The following PTPRD variants were observed in gnomAD, a reference collection of about 807,000 sequenced individuals.
PTPRD encodes the protein receptor-type tyrosine-protein phosphatase delta.
PTPRD carries 34 observed loss-of-function variants against 214.5 expected under a neutral mutation model. The observed-to-expected ratio is 0.16, with a 90% CI of 0.12 to 0.21. PTPRD has a LOEUF of 0.21. Ranked by LOEUF, PTPRD falls within the 10% of genes least tolerant of loss-of-function variation. The pLI is 1.00. For synonymous variants in PTPRD, 1,128 were observed against 845.7 expected, an observed-to-expected ratio of 1.33 and a Z score of -5.79; for missense variants, 2,545 against 2,398.7, an observed-to-expected ratio of 1.06 and a Z score of -1.27.
chr9:10,389,013 C>T (rs59675778), intron 2 of PTPRD, among the ~76,000 whole-genome samples: 11,546 of 151,552 alleles, frequency 0.076, 660 homozygotes, highest in African/African-American at 0.16. Context: ...ATAAGAGATC[C>T]CATTGGAGTA....
At chr9:9,098,910 A>G (rs2099787467) in intron 10 of PTPRD, among the ~76,000 whole-genome samples, 1 of 152,214 alleles carries the variant, frequency 6.6e-6, no homozygotes, top group South Asian at 2.1e-4. Context: ...AACAACTGTG[A>G]TATCTCTAGA....
At chr9:9,595,166 A>G (rs567981994) in intron 7 of PTPRD, among the ~76,000 whole-genome samples, 3 of 151,608 alleles carry the variant, frequency 2.0e-5, no homozygotes, top group Non-Finnish European at 4.4e-5. Flanking sequence ...ACCGCTATGG[A>G]AAACAGTGTG....
At chr9:9,667,257 T>C (rs1020610568) in intron 7 of PTPRD, among the ~76,000 whole-genome samples, 2 of 152,068 alleles carry the variant, frequency 1.3e-5, no homozygotes, top group African/African-American at 4.8e-5. Flanking sequence ...GCTCCAAATA[T>C]TACCATACCT....
chr9:9,838,001 G>A lies in PTPRD; in HGVS notation c.-367-71150C>T, dbSNP rs1186561984. 2.6e-5 allele frequency among the ~76,000 whole-genome samples: 4 copies of A among 151,972 alleles called. No individual in the cohort carries two copies. In the East Asian group the frequency reaches 7.7e-4, roughly 29 times the overall value. On this transcript the variant is annotated intron_variant, in intron 5 of 45. Transcript: ENST00000381196. Reference sequence around the variant, plus strand: ...TTCTCATTGCTCAATTCCCACCAATGAGTGAGAACACACGGTGTTTGGTTT... The same window carrying A: ...TTCTCATTGCTCAATTCCCACCAATAAGTGAGAACACACGGTGTTTGGTTT...
At chr9:10,435,473 G>A (rs191970027) in intron 2 of PTPRD, among the ~76,000 whole-genome samples, 81 of 152,002 alleles carry the variant, frequency 5.3e-4, no homozygotes, top group South Asian at 1.2e-3. Context: ...AAGAGGAACA[G>A]AGCCAGTTTT....
At chr9:8,324,545 G>C (rs1831689301) in intron 44 of PTPRD, among the ~76,000 whole-genome samples, 1 of 152,124 alleles carries the variant, frequency 6.6e-6, no homozygotes, top group Non-Finnish European at 1.5e-5. Flanking sequence ...ATTGTGAATA[G>C]TGCCACAATA....
intron 2 of PTPRD, among the ~76,000 whole-genome samples, chr9:10,447,023 T>C (rs1198666569): frequency 6.6e-6 from 1 of 152,144 alleles, no homozygotes; most frequent in African/African-American, 2.4e-5. Context: ...CTTCATAACA[T>C]TATAACAATA....
intron 5 of PTPRD, among the ~76,000 whole-genome samples, chr9:9,877,897 C>A (rs534885372): frequency 7.1e-6 from 1 of 140,604 alleles, no homozygotes; most frequent in South Asian, 2.3e-4. Flanking sequence ...TGCTTTACCC[C>A]GGGAGGTGGA....
At chr9:8,468,906 A>T (rs1406738258) in intron 31 of PTPRD, among the ~76,000 whole-genome samples, 2 of 151,854 alleles carry the variant, frequency 1.3e-5, no homozygotes, top group African/African-American at 4.8e-5. Flanking sequence ...TGGTTACAAG[A>T]TGTACTGGAG....
chr9:9,791,371 T>C (rs1436762968), intron 5 of PTPRD, among the ~76,000 whole-genome samples: 1 of 152,134 alleles, frequency 6.6e-6, no homozygotes, highest in African/African-American at 2.4e-5. Context: ...TAAAAGATGG[T>C]AAATGTAAGA....
chr9:9,535,254 G>C (rs891891129), intron 8 of PTPRD, among the ~76,000 whole-genome samples: 2 of 152,018 alleles, frequency 1.3e-5, no homozygotes, highest in African/African-American at 4.8e-5. Context: ...AGATGTAAAC[G>C]ATTCTAGCTT....
intron 12 of PTPRD, among the ~76,000 whole-genome samples, chr9:8,648,345 G>C (rs1297418841): frequency 6.6e-6 from 1 of 152,116 alleles, no homozygotes; most frequent in Non-Finnish European, 1.5e-5. Flanking sequence ...CTATTGATGT[G>C]CTTAGTAAGG....
At chr9:9,264,201 C>A (rs1937863553) in intron 9 of PTPRD, among the ~76,000 whole-genome samples, 1 of 151,560 alleles carries the variant, frequency 6.6e-6, no homozygotes, top group Non-Finnish European at 1.5e-5. Flanking sequence ...TTTCAGTATC[C>A]AACCTAAAAG....
intron 9 of PTPRD, among the ~76,000 whole-genome samples, chr9:9,227,834 C>T (rs1233706124): frequency 1.3e-5 from 2 of 152,102 alleles, no homozygotes; most frequent in African/African-American, 4.8e-5. Flanking sequence ...CTTTAGATGA[C>T]TGTAGCCCAA....
chr9:8,513,329 C>G (rs1055685402), intron 21 of PTPRD, among the ~76,000 whole-genome samples: 1 of 151,998 alleles, frequency 6.6e-6, no homozygotes, highest in African/African-American at 2.4e-5. Flanking sequence ...CACAAATTTA[C>G]ATCAATCCTT....
At chr9:8,818,333 T>G (rs997383346) in intron 11 of PTPRD, among the ~76,000 whole-genome samples, 1 of 152,190 alleles carries the variant, frequency 6.6e-6, no homozygotes, top group Non-Finnish European at 1.5e-5. Context: ...TTTTAGCGGA[T>G]AGGCAGAGAG....
intron 4 of PTPRD, among the ~76,000 whole-genome samples, chr9:10,007,556 C>A (rs1004785448): frequency 6.6e-6 from 1 of 151,936 alleles, no homozygotes; most frequent in Non-Finnish European, 1.5e-5. Flanking sequence ...AAGAGCTGAA[C>A]CATATGATCT....
At position 8,504,381 on chromosome 9, in the gene PTPRD, T is replaced by A. The variant is rs1400318844; in HGVS notation, c.1702A>T (p.Thr568Ser). 1 of 1,614,146 alleles carries A rather than the reference T, an allele frequency of 6.2e-7. No individual in the cohort carries two copies. The highest frequency in any genetic ancestry group is 1.3e-5 in the African/African-American group (1 of 75,036). The stretch of plus-strand genomic sequence containing the variant: ...TTCAGTCCTTGCAGCCTATATGATG[T>A]CCCTGGCTCAATGGTAATTCGTTGC... The part of the protein sequence containing the change: ...EEQRITIEPG[T>S]SYRLQGLKPN... The change falls in exon 23 of 46, where the codon ACA becomes TCA. Residue 568 changes from threonine to serine, a missense_variant. Physicochemically the swap from Thr to Ser is moderately conservative, Grantham distance 58. Transcript: ENST00000381196.
chr9:10,604,981 A>T (rs2078926962), intron 2 of PTPRD, among the ~76,000 whole-genome samples: 1 of 151,850 alleles, frequency 6.6e-6, no homozygotes, highest in Non-Finnish European at 1.5e-5. Context: ...ATAAAAAAGG[A>T]AACTCTTCAA....
Sources: gnomAD v4.1 joint callset for allele counts (sites outside exome capture counted in the v4.1 genomes callset) on GRCh38, gnomAD v4.1.1 for gene constraint, MANE v1.5 for transcripts, NCBI Gene and HGNC (gene_info 2026-07-23, HGNC 2026-07-21) for gene names.